The following ZNF521 variants were observed in gnomAD, a reference collection of about 807,000 sequenced individuals.
ZNF521 encodes zinc finger protein 521.
In ZNF521, 14 loss-of-function variants were observed where a neutral mutation model predicts 105.5. The ratio of observed to expected loss-of-function variants is 0.13; its 90% CI spans 0.09 to 0.21. The LOEUF (loss-of-function observed/expected upper bound fraction) is 0.21. Among genes scored for constraint, ZNF521 ranks in the 10% least tolerant of loss-of-function variants. The pLI is 1.00. For synonymous variants in ZNF521, 635 were observed against 606.0 expected (o/e 1.05, Z -0.70); for missense variants, 1,233 against 1,629.7 (o/e 0.76, Z 4.19).
intron 3 of ZNF521, among the ~76,000 whole-genome samples, chr18:25,317,954 A>G (rs1912730874): frequency 6.6e-6 from 1 of 152,126 alleles, no homozygotes; most frequent in African/African-American, 2.4e-5. Flanking sequence ...TCACCCAATG[A>G]CCCAGCAATT....
At chr18:25,332,849 G>A (rs1913656444) in intron 2 of ZNF521, among the ~76,000 whole-genome samples, 1 of 152,080 alleles carries the variant, frequency 6.6e-6, no homozygotes, top group Admixed American at 6.6e-5. Context: ...AGACACGAGT[G>A]CCATTAGCAT....
intron 3 of ZNF521, among the ~76,000 whole-genome samples, chr18:25,257,121 C>T (rs1243925731): frequency 6.6e-6 from 1 of 152,104 alleles, no homozygotes; most frequent in African/African-American, 2.4e-5. Context: ...ATACACTGTA[C>T]TCATAGTTTT....
intron 3 of ZNF521, among the ~76,000 whole-genome samples, chr18:25,232,065 C>A (rs1906573711): frequency 6.6e-6 from 1 of 152,128 alleles, no homozygotes. Flanking sequence ...TGCCACACAG[C>A]AAGATTTCCT....
intron 5 of ZNF521, among the ~76,000 whole-genome samples, chr18:25,191,182 T>A (rs1407935685): frequency 2.6e-5 from 4 of 152,128 alleles, no homozygotes; most frequent in Non-Finnish European, 5.9e-5. Context: ...TCTAGTCAGA[T>A]GAAAAAAATA....
intron 4 of ZNF521, among the ~76,000 whole-genome samples, chr18:25,196,567 T>C (rs893188606): frequency 1.3e-5 from 2 of 151,738 alleles, no homozygotes; most frequent in East Asian, 3.9e-4. Flanking sequence ...AGTACAGGCA[T>C]ATTTCCATTG....
intron 3 of ZNF521, among the ~76,000 whole-genome samples, chr18:25,244,816 C>G (rs867886111): frequency 2.0e-5 from 3 of 152,196 alleles, no homozygotes; most frequent in Admixed American, 2.0e-4. Flanking sequence ...TCTCCTCACC[C>G]CATTGCTGGG....
intron 5 of ZNF521, among the ~76,000 whole-genome samples, chr18:25,134,401 G>A (rs529779026): frequency 6.6e-6 from 1 of 152,100 alleles, no homozygotes; most frequent in Non-Finnish European, 1.5e-5. Context: ...ATAATTACCT[G>A]GGAATTACTT....
At chr18:25,222,782 A>G (rs1905816979) in intron 4 of ZNF521, among the ~76,000 whole-genome samples, 1 of 152,244 alleles carries the variant, frequency 6.6e-6, no homozygotes, top group African/African-American at 2.4e-5. Flanking sequence ...TGAACCTCTT[A>G]CAGACGATAT....
At chr18:25,290,870 C>CTA (rs1810229894) in intron 3 of ZNF521, among the ~76,000 whole-genome samples, 2 of 151,940 alleles carry the variant, frequency 1.3e-5, no homozygotes, top group African/African-American at 2.4e-5. Context: ...AAGCCATATT[C>CTA]TTGAATGAAA....
intron 2 of ZNF521, among the ~76,000 whole-genome samples, chr18:25,323,032 C>T (rs546472919): frequency 1.6e-4 from 25 of 151,944 alleles, no homozygotes; most frequent in Admixed American, 1.2e-3. Flanking sequence ...GCTCAATAAA[C>T]GCTTTTTGAT....
Position 25,348,763 on chromosome 18 carries a change from T to A in ZNF521, c.40+2144A>T, listed in dbSNP as rs542176934. Among the ~76,000 whole-genome samples the A allele has an allele frequency of 4.6e-5, 7 of 152,360 alleles. No homozygotes were observed. In the South Asian group the frequency reaches 1.4e-3, roughly 32 times the overall value. On this transcript the variant is annotated intron_variant, in intron 2 of 7. Coordinates refer to ENST00000361524, the MANE Select transcript of ZNF521 (RefSeq NM_015461.3). ...AACATGACGATAAAAGAATAAAATGTCCTCTTTACTCATTCTTCACTTGCC... is the reference window on the plus strand; with the variant it reads ...AACATGACGATAAAAGAATAAAATGACCTCTTTACTCATTCTTCACTTGCC...
chr18:25,305,739 C>T (rs1258293566), intron 3 of ZNF521, among the ~76,000 whole-genome samples: 1 of 152,170 alleles, frequency 6.6e-6, no homozygotes, highest in Non-Finnish European at 1.5e-5. Flanking sequence ...ATAACTCATA[C>T]TAATTCTTTC....
In ZNF521 at chr18:25,245,655, C is replaced by T. The variant is rs186168144; in HGVS notation, c.221-17958G>A. Among the ~76,000 whole-genome samples the T allele has an allele frequency of 2.3e-3, 350 of 152,280 alleles. 1 individual carries two copies. The South Asian group carries it at 0.025, about 11-fold the overall frequency. ...AAGGTGTATGAAATGTGATTCTTCA[C>T]CCACTCTTGGTTTTTTGTAAATATG... On this transcript the variant is annotated intron_variant, in intron 3 of 7. Coordinates refer to ENST00000361524, the MANE Select transcript of ZNF521 (RefSeq NM_015461.3).
intron 7 of ZNF521, among the ~76,000 whole-genome samples, chr18:25,075,431 C>G (rs1023525043): frequency 5.3e-5 from 8 of 152,192 alleles, no homozygotes; most frequent in African/African-American, 1.7e-4. Flanking sequence ...ACCAATGACT[C>G]CTGCCACCGG....
intron 2 of ZNF521, 124 bp downstream of exon 2, chr18:25,350,783 G>A: frequency 1.0e-6 from 1 of 1,004,858 alleles, no homozygotes; most frequent in Non-Finnish European, 1.4e-6. Flanking sequence ...GGGAGCGCGC[G>A]CGCCCCCGCA....
chr18:25,072,643 T>C (rs1359898418), intron 7 of ZNF521, among the ~76,000 whole-genome samples: 1 of 152,198 alleles, frequency 6.6e-6, no homozygotes, highest in Non-Finnish European at 1.5e-5. Flanking sequence ...AATTGAGCTG[T>C]CTGTTTCCAT....
intron 3 of ZNF521, among the ~76,000 whole-genome samples, chr18:25,269,134 C>T (rs1909473128): frequency 6.7e-6 from 1 of 148,938 alleles, no homozygotes; most frequent in Non-Finnish European, 1.5e-5. Context: ...GCAGGGGTTG[C>T]AATCCTAGTG....
chr18:25,116,453 A>G (rs2034303944), intron 5 of ZNF521, among the ~76,000 whole-genome samples: 1 of 152,170 alleles, frequency 6.6e-6, no homozygotes, highest in Non-Finnish European at 1.5e-5. Flanking sequence ...CCCCTTAAAC[A>G]TGGTTTAAAA....
At chr18:25,343,452 G>A (rs45601431) in intron 2 of ZNF521, among the ~76,000 whole-genome samples, 2,361 of 152,256 alleles carry the variant, frequency 0.016, 29 homozygotes, top group Middle Eastern at 0.041. Flanking sequence ...GTATGTGTGT[G>A]TCACAATATG....
Sources: allele counts gnomAD v4.1 joint callset (sites outside exome capture counted in the v4.1 genomes callset), GRCh38; gene constraint gnomAD v4.1.1; transcripts MANE v1.5; gene names NCBI Gene and HGNC (gene_info 2026-07-23, HGNC 2026-07-21).